The following NBPF14 variants were observed in gnomAD, a reference collection of about 807,000 sequenced individuals.
NBPF14 encodes the protein NBPF member 14, also known as NBPF family member NBPF14.
NBPF14 carries 104 observed loss-of-function variants against 91.2 expected under a neutral mutation model. The ratio of observed to expected loss-of-function variants is 1.14; its 90% CI spans 0.97 to 1.34. The LOEUF (loss-of-function observed/expected upper bound fraction) is 1.34, where lower values mean the gene tolerates loss of function less well. Among genes scored for constraint, NBPF14 ranks in the 40% most tolerant of loss-of-function variants. The pLI is 0.00. For synonymous variants in NBPF14, 294 were observed against 303.8 expected (o/e 0.97, Z 0.34); for missense variants, 908 against 783.0 (o/e 1.16, Z -1.91).
intron 36 of NBPF14, 84 bp from the exon 37 acceptor site, chr1:148,560,049 G>A (rs1311480731): frequency 4.4e-6 from 3 of 686,560 alleles, no homozygotes; most frequent in Admixed American, 2.2e-5. Context: ...GCTAACGTAA[G>A]GAAGAGTTTG....
At chr1:148,532,368 G>C (rs1319190672) in exon 71 of NBPF14, 3 of 165,374 alleles carry the variant, frequency 1.8e-5, no homozygotes, top group South Asian at 2.9e-4. Flanking sequence ...GGATGGAATA[G>C]AGAGGAGCAG....
At chr1:148,534,588 C>T (rs1341113221) in intron 69 of NBPF14, 96 bp downstream of exon 69, 36 of 850,450 alleles carry the variant, frequency 4.2e-5, no homozygotes, top group South Asian at 3.0e-4. Context: ...GCGGCAATGA[C>T]ATCTCTCGGG....
exon 63 of NBPF14, chr1:148,539,477 G>C: frequency 3.2e-6 from 1 of 311,596 alleles, no homozygotes; most frequent in Non-Finnish European, 5.5e-6. Flanking sequence ...TGTAGGGCTG[G>C]CCTAAGTCAG....
At chr1:148,559,963 A>T (rs1426503465) in exon 37 of NBPF14, 6 of 1,337,222 alleles carry the variant, frequency 4.5e-6, no homozygotes, top group Non-Finnish European at 6.2e-6. Context: ...CTCCCTGCTG[A>T]GCCTGGAAAA....
At chr1:148,579,299 A>G in intron 12 of NBPF14, 62 bp from the exon 13 acceptor site, 1 of 214,668 alleles carries the variant, frequency 4.7e-6, no homozygotes, top group Non-Finnish European at 8.3e-6. Context: ...AGACAACAAA[A>G]CCTCCCAGAT....
At position 148,587,242 on chromosome 1, in the gene NBPF14, G is replaced by A. The variant is rs1391418526; in HGVS notation, c.1091+59C>T. ...AGCTCTTACGTCTCCCCACTGAGCT[G>A]CTGTACTTCAGAGATTTACACACCT... On this transcript the variant is annotated intron_variant, in intron 8 of 70. Coordinates refer to ENST00000619423, the Ensembl canonical transcript of NBPF14. 2.0e-5 allele frequency: 28 copies of A among 1,417,654 alleles called. 1 individual carries two copies. The highest frequency in any genetic ancestry group is 1.9e-4 in the South Asian group (16 of 86,252). 87.8% of individuals were successfully genotyped at this position (1,417,654 alleles called of 1,614,324 possible).
chr1:148,537,979 T>C lies in NBPF14; in HGVS notation c.7962A>G (p.Val2654=), dbSNP rs1252250407. The change falls in exon 65 of 71, where the codon GTA becomes GTG. Residue 2654 remains valine (V), a synonymous_variant. Transcript: ENST00000619423. ...GTGAGTCCTGCAAGACTTCAGGCTC[T>C]ACTACCTCCAGGAGCTCCCTGCTGA... 2.9e-4 allele frequency: 107 copies of C among 373,930 alleles called. 8 individuals are homozygous for C. The East Asian group carries it at 6.8e-3, about 24-fold the overall frequency. The allele number at this position is 373,930 out of a possible 1,614,324, so 23.2% of individuals were successfully genotyped here. A position where few individuals can be genotyped will look rare whatever the true frequency, so the allele number is the denominator to read the frequency against.
In NBPF14 at chr1:148,575,664, G is replaced by C; in HGVS notation, c.2226C>G (p.Tyr742Ter). The C allele has an allele frequency of 1.1e-5, 2 of 181,216 alleles. No homozygotes were observed. The highest frequency in any genetic ancestry group is 1.0e-5 in the Non-Finnish European group (1 of 100,250). The allele number at this position is 181,216 out of a possible 1,614,324, so 11.2% of individuals were successfully genotyped here. A position where few individuals can be genotyped will look rare whatever the true frequency, so the allele number is the denominator to read the frequency against. ...TGTCCACGTCAAGAGCCAAGCCAAGGTACTGTTCCTCCAATGAGTAAACAG... is the reference window on the plus strand; with the variant it reads ...TGTCCACGTCAAGAGCCAAGCCAAGCTACTGTTCCTCCAATGAGTAAACAG... Residue 742 changes from tyrosine (Y) to a stop codon, truncating the protein, a stop_gained, in exon 17 of 71, where the codon TAC becomes TAG. Coordinates refer to ENST00000619423, the Ensembl canonical transcript of NBPF14. LOFTEE classifies it high-confidence loss of function.
At chr1:148,532,979 A>C in exon 71 of NBPF14, 1 of 559,474 alleles carries the variant, frequency 1.8e-6, no homozygotes, top group Non-Finnish European at 3.0e-6. Flanking sequence ...TGCAGGAATG[A>C]CATCTCTCGG....
At chr1:148,586,803 T>C (rs1661600914) in intron 8 of NBPF14, among the ~76,000 whole-genome samples, 3 of 139,116 alleles carry the variant, frequency 2.2e-5, no homozygotes, top group African/African-American at 7.8e-5. Flanking sequence ...AAAATACACA[T>C]AGTGCATCTT....
chr1:148,580,950 T>A (rs1660819645), intron 12 of NBPF14, among the ~76,000 whole-genome samples: 1 of 99,800 alleles, frequency 1.0e-5, no homozygotes, highest in South Asian at 3.9e-4. Context: ...TTGGTGTGCT[T>A]CACCCATTAA....
intron 9 of NBPF14, 56 bp downstream of exon 9, chr1:148,586,191 ATGGAGGTC>A (rs1661515469): frequency 1.7e-6 from 1 of 588,672 alleles, no homozygotes; most frequent in Non-Finnish European, 3.1e-6. Context: ...TTGTGAAAGT[ATGGAGGTC>A]TGGAGTCTCT....
chr1:148,533,399 G>A (rs1178280053), intron 70 of NBPF14, among the ~76,000 whole-genome samples, 151 bp from the exon 71 acceptor site: 1 of 148,752 alleles, frequency 6.7e-6, no homozygotes, highest in Admixed American at 6.8e-5. Flanking sequence ...TTGCCTTTAT[G>A]TTGGGATAGA....
chr1:148,578,142 AC>A, intron 13 of NBPF14, 108 bp from the exon 14 acceptor site: 2 of 738,980 alleles, frequency 2.7e-6, no homozygotes, highest in Middle Eastern at 3.7e-4. Context: ...CAGTGTGAGA[AC>A]AGGAGACTTT....
At chr1:148,592,685 G>A (rs1313673713) in exon 4 of NBPF14, 1 of 1,588,462 alleles carries the variant, frequency 6.3e-7, no homozygotes, top group African/African-American at 1.4e-5. Flanking sequence ...ACAATGAGCG[G>A]GAGGCATCTC....
In NBPF14 at chr1:148,577,521, G is replaced by T. The variant is rs1170170900; in HGVS notation, c.1854-166C>A. Among the ~76,000 whole-genome samples the T allele has an allele frequency of 1.2e-3, 179 of 148,620 alleles. 3 individuals carry two copies. Among genetic ancestry groups the T allele is most frequent in the Admixed American group, 9.9e-3 (148 of 14,926 alleles). Reference sequence around the variant, plus strand: ...TTATGTTGGGATAGACTATGGCCAGGTAGAAAAGGATGAACGAGAAAGACA... The same window carrying T: ...TTATGTTGGGATAGACTATGGCCAGTTAGAAAAGGATGAACGAGAAAGACA... On this transcript the variant is annotated intron_variant, in intron 14 of 70. Transcript: ENST00000619423.
rs1429346431 is a variant in NBPF14, at chr1:148,593,199, G to C, written c.278+399C>G. 2.0e-5 allele frequency among the ~76,000 whole-genome samples: 3 copies of C among 148,352 alleles called. 1 individual carries two copies. The highest frequency in any genetic ancestry group is 4.5e-5 in the Non-Finnish European group (3 of 66,192). On this transcript the variant is annotated intron_variant, in intron 3 of 70. Coordinates refer to ENST00000619423, the Ensembl canonical transcript of NBPF14. ...AGATGAAAGAAGAAAAGAAGGACAG[G>C]GTCGAGGAGGCAACATTGATTGAGT...
At position 148,566,558 on chromosome 1, in the gene NBPF14, C is replaced by A. The variant is rs1410890610; in HGVS notation, c.3543-243G>T. Among the ~76,000 whole-genome samples, 4 of 141,796 alleles carry A rather than the reference C, an allele frequency of 2.8e-5. 1 individual carries two copies. Among genetic ancestry groups the A allele is most frequent in the Non-Finnish European group, 6.3e-5 (4 of 63,144 alleles). 93.0% of individuals were successfully genotyped at this position (141,796 alleles called of 152,430 possible). On this transcript the variant is annotated intron_variant, in intron 28 of 70. Coordinates refer to ENST00000619423, the Ensembl canonical transcript of NBPF14. ...ACACACACAAACACACACACACACA[C>A]AGAGAACGAGCTCAGTGAATTGTCC...
At chr1:148,593,262 C>G (rs1662793864) in intron 3 of NBPF14, among the ~76,000 whole-genome samples, 2 of 148,742 alleles carry the variant, frequency 1.3e-5, no homozygotes, top group Non-Finnish European at 3.0e-5. Flanking sequence ...GGAGGTGATT[C>G]TCACTAAGGG....
Sources: gnomAD v4.1 joint callset for allele counts (sites outside exome capture counted in the v4.1 genomes callset) on GRCh38, gnomAD v4.1.1 for gene constraint, MANE v1.5 for transcripts, NCBI Gene and HGNC (gene_info 2026-07-23, HGNC 2026-07-21) for gene names.